Variants in TANC2 observed in about 807,000 individuals in gnomAD.
TANC2 encodes tetratricopeptide repeat, ankyrin repeat and coiled-coil containing 2.
Under a neutral mutation model 210.5 loss-of-function variants are expected in TANC2, and 26 were observed. The ratio of observed to expected loss-of-function variants is 0.12; its 90% CI spans 0.09 to 0.17. The LOEUF (loss-of-function observed/expected upper bound fraction) is 0.17, where lower values mean the gene tolerates loss of function less well. Among genes scored for constraint, TANC2 ranks in the 10% least tolerant of loss-of-function variants. TANC2 has a pLI of 1.00. For synonymous variants in TANC2, 931 were observed against 967.1 expected (o/e 0.96, Z 0.69); for missense variants, 2,129 against 2,608.9 (o/e 0.82, Z 4.01).
At chr17:63,194,182 A>G (rs1409153077) in intron 6 of TANC2, 43 bp downstream of exon 6, 1 of 1,579,112 alleles carries the variant, frequency 6.3e-7, no homozygotes. Flanking sequence ...GGTGTGAATC[A>G]GCTTATTATG....
At chr17:63,205,935 C>T (rs1304174255) in intron 7 of TANC2, among the ~76,000 whole-genome samples, 1 of 151,870 alleles carries the variant, frequency 6.6e-6, no homozygotes, top group Non-Finnish European at 1.5e-5. Flanking sequence ...AAAAGACAAC[C>T]CACAGATATT....
chr17:63,234,959 G>A (rs1334611200), intron 7 of TANC2, among the ~76,000 whole-genome samples: 1 of 152,032 alleles, frequency 6.6e-6, no homozygotes, highest in Non-Finnish European at 1.5e-5. Flanking sequence ...AGGTTATAAG[G>A]TGATAAGTAT....
rs182112000 is a variant in TANC2 at position 63,226,319 on chromosome 17, C to T, written c.770-11495C>T. 2.3e-3 allele frequency among the ~76,000 whole-genome samples: 346 copies of T among 152,274 alleles called. 1 individual carries two copies. The highest frequency in any genetic ancestry group is 0.017 in the Admixed American group (264 of 15,300). ...AAGTTTAATTATGTCCCTCAAAAGC[C>T]TTTAATCATGTGCCTCGGTTGCCCT... is the stretch of plus-strand genomic sequence containing the variant. On this transcript the variant is annotated intron_variant, in intron 7 of 27. Transcript: ENST00000689528.
intron 14 of TANC2, among the ~76,000 whole-genome samples, chr17:63,378,506 T>A (rs1386842991): frequency 6.6e-6 from 1 of 152,220 alleles, no homozygotes; most frequent in Non-Finnish European, 1.5e-5. Flanking sequence ...ACTTTATTTT[T>A]CTGCAATTCT....
intron 7 of TANC2, among the ~76,000 whole-genome samples, chr17:63,228,459 C>A (rs866711293): frequency 1.8e-4 from 27 of 152,056 alleles, no homozygotes; most frequent in Non-Finnish European, 3.7e-4. Flanking sequence ...TTTTCTAATT[C>A]TTTGAAGAAT....
chr17:63,234,313 C>A lies in TANC2; in HGVS notation c.770-3501C>A, dbSNP rs1181589896. 2.6e-5 allele frequency among the ~76,000 whole-genome samples: 4 copies of A among 152,264 alleles called. No homozygotes were observed. The East Asian group carries it at 7.7e-4, about 29-fold the overall frequency. ...CTTATGTGTCTTTAAATACTATGTCCTCTCATTACATTTTTTCCCTAAAAG... is the reference window on the plus strand; with the variant it reads ...CTTATGTGTCTTTAAATACTATGTCATCTCATTACATTTTTTCCCTAAAAG... On this transcript the variant is annotated intron_variant, in intron 7 of 27. Coordinates refer to ENST00000689528, the Ensembl canonical transcript of TANC2.
At chr17:63,173,831 A>G (rs1426462060) in intron 5 of TANC2, among the ~76,000 whole-genome samples, 1 of 152,164 alleles carries the variant, frequency 6.6e-6, no homozygotes, top group African/African-American at 2.4e-5. Context: ...TAATAATCAG[A>G]CTTATTCATA....
At chr17:63,225,807 A>T (rs1219917536) in intron 7 of TANC2, among the ~76,000 whole-genome samples, 1 of 152,208 alleles carries the variant, frequency 6.6e-6, no homozygotes, top group South Asian at 2.1e-4. Flanking sequence ...GTTTGCCTTC[A>T]ATCAGGTAAT....
At chr17:62,984,947 T>A (rs772432301) in intron 1 of TANC2, among the ~76,000 whole-genome samples, 2 of 152,228 alleles carry the variant, frequency 1.3e-5, no homozygotes, top group Non-Finnish European at 2.9e-5. Context: ...TGAAACACTC[T>A]TAAGTGTCTG....
At chr17:63,267,922 GGGC>G in intron 9 of TANC2, 49 bp downstream of exon 9, 1 of 1,555,120 alleles carries the variant, frequency 6.4e-7, no homozygotes, top group Non-Finnish European at 8.7e-7. Context: ...AGATGGAAAT[GGGC>G]AAAAGCCAAA....
chr17:63,206,892 C>T (rs1325149211), intron 7 of TANC2, among the ~76,000 whole-genome samples: 2 of 152,138 alleles, frequency 1.3e-5, no homozygotes, highest in East Asian at 3.9e-4. Flanking sequence ...GTATATTTTA[C>T]CACAGTAAAA....
At chr17:63,303,180 A>G (rs572659673) in intron 9 of TANC2, among the ~76,000 whole-genome samples, 5 of 152,154 alleles carry the variant, frequency 3.3e-5, no homozygotes, top group African/African-American at 1.2e-4. Context: ...AGTTGATGCA[A>G]TTTCTTCATG....
chr17:63,116,720 G>A (rs2145088337), intron 4 of TANC2, among the ~76,000 whole-genome samples: 1 of 152,298 alleles, frequency 6.6e-6, no homozygotes, highest in East Asian at 1.9e-4. Flanking sequence ...CCATCTGAAT[G>A]AAAGGCATTT....
At chr17:63,367,893 A>G (rs1052908246) in intron 14 of TANC2, among the ~76,000 whole-genome samples, 1 of 152,216 alleles carries the variant, frequency 6.6e-6, no homozygotes, top group African/African-American at 2.4e-5. Flanking sequence ...TAGCCTTTTG[A>G]GAAGGAAGAA....
At chr17:63,411,641 C>T (rs2048706004) in exon 22 of TANC2, 1 of 1,613,832 alleles carries the variant, frequency 6.2e-7, no homozygotes, top group Non-Finnish European at 8.5e-7. Flanking sequence ...ACAAGAATGG[C>T]CGTACCCCAC....
intron 1 of TANC2, among the ~76,000 whole-genome samples, chr17:62,989,720 C>T (rs1346498034): frequency 2.0e-5 from 3 of 148,542 alleles, no homozygotes; most frequent in Admixed American, 6.7e-5. Context: ...ATCCAGCTAT[C>T]TAGAGAAAAG....
chr17:63,161,767 G>A (rs745589633), intron 5 of TANC2, among the ~76,000 whole-genome samples: 6 of 152,092 alleles, frequency 3.9e-5, no homozygotes, highest in Non-Finnish European at 1.5e-5. Context: ...GTCATCACCA[G>A]ATTTACTTTG....
intron 2 of TANC2, among the ~76,000 whole-genome samples, chr17:63,019,191 G>A (rs966328852): frequency 6.6e-6 from 1 of 151,810 alleles, no homozygotes; most frequent in Admixed American, 6.6e-5. Flanking sequence ...CCAGCATTTG[G>A]TCTTGTCACT....
chr17:63,103,055 C>T (rs950553650), intron 4 of TANC2, among the ~76,000 whole-genome samples: 2 of 152,058 alleles, frequency 1.3e-5, no homozygotes, highest in Admixed American at 6.5e-5. Flanking sequence ...TGAGCATAAT[C>T]CAAGGAAGGT....
Sources: allele counts gnomAD v4.1 joint callset (sites outside exome capture counted in the v4.1 genomes callset), GRCh38; gene constraint gnomAD v4.1.1; transcripts MANE v1.5; gene names NCBI Gene and HGNC (gene_info 2026-07-23, HGNC 2026-07-21).